PDS5B: variants seen among roughly 807,000 people sequenced by gnomAD.
PDS5B encodes the protein PDS5 cohesin associated factor B, also known as sister chromatid cohesion protein PDS5 homolog B.
A neutral mutation model predicts 184.1 loss-of-function variants in PDS5B; 51 were observed. That is an observed-to-expected ratio of 0.28 (90% CI 0.22 to 0.35). PDS5B has a LOEUF of 0.35. Ranked by LOEUF, PDS5B falls within the 10% of genes least tolerant of loss-of-function variation. The probability of loss-of-function intolerance (pLI) is 1.00; values close to 1 mark genes in which losing one functional copy is unlikely to be tolerated. For synonymous variants in PDS5B, 566 were observed against 569.2 expected, an observed-to-expected ratio of 0.99 and a Z score of 0.08; for missense variants, 1,180 against 1,723.3, an observed-to-expected ratio of 0.68 and a Z score of 5.58.
intron 3 of PDS5B, among the ~76,000 whole-genome samples, chr13:32,655,522 G>A (rs938788125): frequency 1.3e-5 from 2 of 150,650 alleles, no homozygotes; most frequent in Non-Finnish European, 3.0e-5. Flanking sequence ...GGGATTACAG[G>A]TGCCCGTCAC....
At chr13:32,629,707 T>C (rs545990903) in intron 1 of PDS5B, among the ~76,000 whole-genome samples, 1 of 152,228 alleles carries the variant, frequency 6.6e-6, no homozygotes, top group Non-Finnish European at 1.5e-5. Context: ...AGTTTATTTT[T>C]GAAATAAACC....
chr13:32,709,138 A>G (rs1414436323), intron 18 of PDS5B, among the ~76,000 whole-genome samples: 1 of 151,982 alleles, frequency 6.6e-6, no homozygotes, highest in Non-Finnish European at 1.5e-5. Context: ...TAAATGTGGC[A>G]TTATACTTAG....
rs531030361 is a variant in PDS5B, at chr13:32,600,330, A to G, written c.-20+13737A>G. On this transcript the variant is annotated intron_variant, in intron 1 of 34. Transcript: ENST00000315596. ...AAATTTTTGTTGTAGAGTGGATATGATACATCATATCTCTAAACTCTTTTT... is the reference window on the plus strand; with the variant it reads ...AAATTTTTGTTGTAGAGTGGATATGGTACATCATATCTCTAAACTCTTTTT... Among the ~76,000 whole-genome samples, 11 of 152,326 alleles carry G rather than the reference A, an allele frequency of 7.2e-5. No homozygotes were observed. The East Asian group carries it at 1.9e-3, about 27-fold the overall frequency.
intron 19 of PDS5B, among the ~76,000 whole-genome samples, chr13:32,722,369 GGA>G (rs1013531348): frequency 1.3e-5 from 2 of 152,170 alleles, no homozygotes; most frequent in South Asian, 2.1e-4. Flanking sequence ...CGATGGAGAG[GGA>G]GAGAGAGCAA....
At chr13:32,678,223 A>C (rs534409634) in intron 9 of PDS5B, among the ~76,000 whole-genome samples, 1 of 152,348 alleles carries the variant, frequency 6.6e-6, no homozygotes, top group South Asian at 2.1e-4. Flanking sequence ...TTTGAGGCTT[A>C]AGTGACATAT....
At chr13:32,618,109 T>C (rs899927134) in intron 1 of PDS5B, among the ~76,000 whole-genome samples, 4 of 152,156 alleles carry the variant, frequency 2.6e-5, no homozygotes, top group Admixed American at 2.0e-4. Context: ...TTTAAGGGCC[T>C]AATCCTGTTC....
chr13:32,669,462 G>A (rs1022035408), intron 7 of PDS5B, among the ~76,000 whole-genome samples: 7 of 152,028 alleles, frequency 4.6e-5, no homozygotes, highest in Non-Finnish European at 8.8e-5. Context: ...ACTTGTTAGA[G>A]TTAGATGATT....
At chr13:32,625,874 G>A (rs961995845) in intron 1 of PDS5B, among the ~76,000 whole-genome samples, 1 of 136,628 alleles carries the variant, frequency 7.3e-6, no homozygotes, top group African/African-American at 2.7e-5. Flanking sequence ...GTCTCGCTTT[G>A]TTGCCCAGGC....
At chr13:32,742,473 G>T (rs1276854357) in intron 22 of PDS5B, 118 bp from the exon 23 acceptor site, 9 of 772,728 alleles carry the variant, frequency 1.2e-5, no homozygotes, top group African/African-American at 3.6e-5. Context: ...ATACAGAAAA[G>T]AATTTTTTCT....
At chr13:32,756,008 C>T (rs1954164239) in intron 26 of PDS5B, 52 bp downstream of exon 26, 3 of 852,144 alleles carry the variant, frequency 3.5e-6, no homozygotes, top group African/African-American at 1.7e-5. Flanking sequence ...ATTTTTTCTC[C>T]TTAATGCTGA....
intron 24 of PDS5B, among the ~76,000 whole-genome samples, chr13:32,751,912 A>C (rs576420680): frequency 6.6e-6 from 1 of 152,334 alleles, no homozygotes; most frequent in East Asian, 1.9e-4. Flanking sequence ...TGAAATTTAA[A>C]TGAAATGAAA....
chr13:32,721,344 G>A (rs1056208852), intron 19 of PDS5B, among the ~76,000 whole-genome samples: 1 of 150,458 alleles, frequency 6.6e-6, no homozygotes, highest in Non-Finnish European at 1.5e-5. Flanking sequence ...GCTGCCGGGC[G>A]AGGGCTCCCC....
At chr13:32,740,597 A>G (rs1261459888) in intron 21 of PDS5B, among the ~76,000 whole-genome samples, 3 of 152,126 alleles carry the variant, frequency 2.0e-5, no homozygotes, top group African/African-American at 7.2e-5. Context: ...ACTACTGTAA[A>G]CACCTACCTG....
intron 1 of PDS5B, among the ~76,000 whole-genome samples, chr13:32,632,037 T>C (rs2058464301): frequency 6.6e-6 from 1 of 152,204 alleles, no homozygotes; most frequent in African/African-American, 2.4e-5. Context: ...GTTGGACCTC[T>C]CCTTCACATA....
At chr13:32,637,481 T>A (rs1393417529) in intron 1 of PDS5B, among the ~76,000 whole-genome samples, 1 of 152,098 alleles carries the variant, frequency 6.6e-6, no homozygotes, top group Non-Finnish European at 1.5e-5. Context: ...CGCGGTATCT[T>A]TGAGAATACC....
At chr13:32,690,903 AT>A (rs1360218286) in intron 13 of PDS5B, 1 of 152,068 alleles carries the variant, frequency 6.6e-6, no homozygotes, top group Non-Finnish European at 1.5e-5. Flanking sequence ...GATGATTTTC[AT>A]TTTAACCAGC....
chr13:32,598,797 G>T lies in PDS5B; in HGVS notation c.-20+12204G>T, dbSNP rs192625237. Among the ~76,000 whole-genome samples the T allele has an allele frequency of 4.4e-3, 622 of 140,204 alleles. 24 individuals are homozygous for T. Among genetic ancestry groups the T allele is most frequent in the Admixed American group, 0.042 (586 of 13,884 alleles). The allele number at this position is 140,204 out of a possible 152,430, so 92.0% of individuals were successfully genotyped here. ...TTTTTTTTTTTTTTTTTGAGACAGA[G>T]TCTTGCCCTGTCACCTAGGCAGGAG... is the stretch of plus-strand genomic sequence containing the variant. On this transcript the variant is annotated intron_variant, in intron 1 of 34. Coordinates refer to ENST00000315596, the MANE Select transcript of PDS5B (RefSeq NM_015032.4).
chr13:32,662,065 T>A (rs1384838951), intron 6 of PDS5B, among the ~76,000 whole-genome samples: 1 of 152,140 alleles, frequency 6.6e-6, no homozygotes, highest in Non-Finnish European at 1.5e-5. Flanking sequence ...TTGAACATAA[T>A]CTGGGTGATT....
chr13:32,664,477 T>TA (rs1342976093), intron 6 of PDS5B, among the ~76,000 whole-genome samples: 1 of 152,190 alleles, frequency 6.6e-6, no homozygotes, highest in African/African-American at 2.4e-5. Flanking sequence ...ATAGAAGACT[T>TA]ACATATGTTG....
Sources: allele counts gnomAD v4.1 joint callset (sites outside exome capture counted in the v4.1 genomes callset), GRCh38; gene constraint gnomAD v4.1.1; transcripts MANE v1.5; gene names NCBI Gene and HGNC (gene_info 2026-07-23, HGNC 2026-07-21).